GGPS1: variants seen among roughly 807,000 people sequenced by gnomAD.
GGPS1 encodes the protein geranylgeranyl pyrophosphate synthase.
A neutral mutation model predicts 28.1 loss-of-function variants in GGPS1; 15 were observed. The ratio of observed to expected loss-of-function variants is 0.53; its 90% CI spans 0.36 to 0.82. The LOEUF (loss-of-function observed/expected upper bound fraction) is 0.82. Ranked by LOEUF, GGPS1 falls within the 40% of genes least tolerant of loss-of-function variation. The probability of loss-of-function intolerance (pLI) is 0.01; values close to 1 mark genes in which losing one functional copy is unlikely to be tolerated. For missense variants in GGPS1, 284 were observed against 348.3 expected (o/e 0.82, Z 1.47); for synonymous variants, 138 against 122.4 (o/e 1.13, Z -0.84).
chr1:235,336,009 C>T (rs1488443227), intron 2 of GGPS1, among the ~76,000 whole-genome samples: 1 of 152,268 alleles, frequency 6.6e-6, no homozygotes, highest in Non-Finnish European at 1.5e-5. Flanking sequence ...ATATAGCCCA[C>T]TTTATTCCTG....
At chr1:235,338,400 GA>G (rs573836263) in intron 2 of GGPS1, among the ~76,000 whole-genome samples, 292 of 151,664 alleles carry the variant, frequency 1.9e-3, no homozygotes, top group African/African-American at 6.5e-3. Context: ...AAAAGGGGGG[GA>G]AACTTAAAAG....
chr1:235,327,442 G>T, upstream of GGPS1: 1 of 152,302 alleles, frequency 6.6e-6, no homozygotes, highest in East Asian at 1.9e-4. Flanking sequence ...TCCCGTTCCG[G>T]GCTCAGACCC....
At chr1:235,329,425 T>C (rs1205859489) in intron 1 of GGPS1, 1 of 152,268 alleles carries the variant, frequency 6.6e-6, no homozygotes, top group African/African-American at 2.4e-5. Flanking sequence ...GCAGTGGCAG[T>C]GCCCCAGAGG....
intron 1 of GGPS1, among the ~76,000 whole-genome samples, chr1:235,334,990 T>A (rs1289330416): frequency 1.3e-5 from 2 of 151,974 alleles, no homozygotes; most frequent in Non-Finnish European, 2.9e-5. Flanking sequence ...ATTTTTCATA[T>A]TTTTAGTAGA....
rs1676050101 is a variant in GGPS1, at chr1:235,341,716, G to A, written c.79G>A (p.Val27Met). 1 of 1,577,550 alleles carries A rather than the reference G, an allele frequency of 6.3e-7. No individual in the cohort carries two copies. ...TTATTTTTAAATTGCAGGTAAACAA[G>A]TGAGAACCAAACTTTCACAGGCATT... Reference protein sequence around the residue: ...KYLLQLPGKQVRTKLSQAFNH... With the variant: ...KYLLQLPGKQMRTKLSQAFNH... Residue 27 changes from valine (V) to methionine (M), a missense_variant, in exon 3 of 4, where the codon GTG (valine) becomes ATG (methionine). Coordinates refer to ENST00000282841, the MANE Select transcript of GGPS1 (RefSeq NM_004837.4).
chr1:235,339,406 TGTG>T (rs1284742870), intron 2 of GGPS1, among the ~76,000 whole-genome samples: 4 of 151,700 alleles, frequency 2.6e-5, no homozygotes, highest in Non-Finnish European at 4.4e-5. Context: ...AGGCGAAGGT[TGTG>T]GTGAGCCGAG....
chr1:235,331,288 T>C (rs962367389), intron 1 of GGPS1, among the ~76,000 whole-genome samples: 1 of 152,224 alleles, frequency 6.6e-6, no homozygotes, highest in African/African-American at 2.4e-5. Flanking sequence ...CTGATCTTTT[T>C]TATGATTGTT....
At position 235,342,534 on chromosome 1, in the gene GGPS1, G is replaced by C. The variant is rs146421372; in HGVS notation, c.665G>C (p.Trp222Ser). ...KFSFPTIHAI[W>S]SRPESTQVQN... The stretch of plus-strand genomic sequence containing the variant: ...TCATTTCCTACTATTCATGCTATTT[G>C]GTCAAGGCCTGAAAGCACCCAGGTG... Residue 222 changes from tryptophan to serine, a missense_variant, in exon 4 of 4, where the codon TGG becomes TCG. Coordinates refer to ENST00000282841, the MANE Select transcript of GGPS1 (RefSeq NM_004837.4). The C allele has an allele frequency of 2.9e-4, 469 of 1,613,412 alleles. 3 individuals carry two copies. The highest frequency in any genetic ancestry group is 1.3e-3 in the South Asian group (121 of 91,078).
intron 2 of GGPS1, among the ~76,000 whole-genome samples, chr1:235,336,398 AG>A (rs1675865866): frequency 1.3e-5 from 2 of 150,558 alleles, no homozygotes; most frequent in Non-Finnish European, 3.0e-5. Context: ...TCAAAAAAAA[AG>A]AAGAACTTGT....
intron 2 of GGPS1, chr1:235,337,074 C>A: frequency 5.9e-6 from 1 of 170,116 alleles, no homozygotes; most frequent in Non-Finnish European, 1.4e-5. Context: ...TAACTTATTT[C>A]AGTATCTCCC....
chr1:235,343,351 C>G lies in GGPS1; in HGVS notation c.*579C>G, dbSNP rs542837262. 6.3e-6 allele frequency: 1 copy of G among 159,600 alleles called. No homozygotes were observed. Among genetic ancestry groups the G allele is most frequent in the East Asian group, 1.9e-4 (1 of 5,196 alleles). 9.9% of individuals were successfully genotyped at this position (159,600 alleles called of 1,614,324 possible). On this transcript the variant is annotated 3_prime_UTR_variant, in exon 4 of 4. Transcript: ENST00000282841. ...CGGGCAGATCACGAGGTCAGGAGAT[C>G]GAGACCATCCTGACACGGTGAAACC...
At chr1:235,331,587 A>C (rs1675717318) in intron 1 of GGPS1, among the ~76,000 whole-genome samples, 1 of 150,780 alleles carries the variant, frequency 6.6e-6, no homozygotes, top group Non-Finnish European at 1.5e-5. Context: ...TCTTTGTGGC[A>C]GTGTATACAT....
chr1:235,333,870 C>G (rs951150412), intron 1 of GGPS1, among the ~76,000 whole-genome samples: 12 of 151,844 alleles, frequency 7.9e-5, no homozygotes, highest in Admixed American at 6.6e-4. Flanking sequence ...AATCATAGTC[C>G]CAAGAAGCAA....
In GGPS1 at chr1:235,341,997, A is replaced by AG; in HGVS notation, c.142-14_142-13insG. ...AATAGTTCAAATAAGTGAAATTTTC[A>AG]ATTTTTTTATTAGATTATTATTGAA... On this transcript the variant is annotated splice_polypyrimidine_tract_variant and intron_variant, in intron 3 of 3. Transcript: ENST00000282841. 1 of 1,468,456 alleles carries AG rather than the reference A, an allele frequency of 6.8e-7. No homozygotes were observed. 91.0% of individuals were successfully genotyped at this position (1,468,456 alleles called of 1,614,324 possible).
chr1:235,338,961 C>T (rs1164771139), intron 2 of GGPS1, among the ~76,000 whole-genome samples: 4 of 151,192 alleles, frequency 2.6e-5, no homozygotes, highest in South Asian at 2.1e-4. Context: ...GTCAGGAGTT[C>T]GAGACCAGCC....
At chr1:235,330,138 G>T (rs971641563) in intron 1 of GGPS1, 3 of 152,188 alleles carry the variant, frequency 2.0e-5, no homozygotes, top group African/African-American at 7.2e-5. Context: ...AAACAAAGGC[G>T]GGTGAGGGTG....
intron 2 of GGPS1, among the ~76,000 whole-genome samples, chr1:235,340,715 G>A (rs1326034105): frequency 3.8e-5 from 4 of 105,876 alleles, no homozygotes; most frequent in South Asian, 3.5e-4. Flanking sequence ...CAGCCTGGGC[G>A]ACAGAGCGAG....
intron 2 of GGPS1, among the ~76,000 whole-genome samples, chr1:235,341,296 C>T (rs1676038882): frequency 6.6e-6 from 1 of 152,192 alleles, no homozygotes; most frequent in Admixed American, 6.5e-5. Flanking sequence ...CACTGCACTC[C>T]AGCCTGGGCA....
At position 235,341,689 on chromosome 1, in the gene GGPS1, T is replaced by G; in HGVS notation, c.71-19T>G. 1 of 1,382,388 alleles carries G rather than the reference T, an allele frequency of 7.2e-7. No individual in the cohort carries two copies. Among genetic ancestry groups the G allele is most frequent in the Non-Finnish European group, 1.0e-6 (1 of 972,158 alleles). The allele number at this position is 1,382,388 out of a possible 1,614,324, so 85.6% of individuals were successfully genotyped here. ...TTAAAACACTTATCACATTGTCACA[T>G]TTTATTTTTAAATTGCAGGTAAACA... On this transcript the variant is annotated intron_variant, in intron 2 of 3. Transcript: ENST00000282841.
Sources: gnomAD v4.1 joint callset for allele counts (sites outside exome capture counted in the v4.1 genomes callset) on GRCh38, gnomAD v4.1.1 for gene constraint, MANE v1.5 for transcripts, NCBI Gene and HGNC (gene_info 2026-07-23, HGNC 2026-07-21) for gene names.